DNAJC17: variants seen among roughly 807,000 people sequenced by gnomAD.
DNAJC17 encodes the protein DnaJ heat shock protein family (Hsp40) member C17.
DNAJC17 carries 35 observed loss-of-function variants against 48.1 expected under a neutral mutation model. That is an observed-to-expected ratio of 0.73 (90% confidence interval 0.56 to 0.96). DNAJC17 has a LOEUF of 0.96. Among genes scored for constraint, DNAJC17 ranks in the 50% least tolerant of loss-of-function variants. The pLI is 0.00. For synonymous variants in DNAJC17, 117 were observed against 142.7 expected (o/e 0.82, Z 1.28); for missense variants, 355 against 377.1 (o/e 0.94, Z 0.48).
intron 1 of DNAJC17, among the ~76,000 whole-genome samples, chr15:40,788,652 T>A (rs1186942126): frequency 6.8e-6 from 1 of 146,492 alleles, no homozygotes; most frequent in East Asian, 2.0e-4. Flanking sequence ...GCCGAGATCA[T>A]GCCACTGCAC....
intron 1 of DNAJC17, among the ~76,000 whole-genome samples, chr15:40,796,253 T>C (rs1889937993): frequency 6.6e-6 from 1 of 152,208 alleles, no homozygotes; most frequent in South Asian, 2.1e-4. Context: ...GGAAGTCCTT[T>C]CCTTCCTGGA....
rs751277591 is a variant in DNAJC17, at chr15:40,775,099, T to C, written c.532A>G (p.Lys178Glu). The change falls in exon 8 of 11, where the codon AAG (lysine) becomes GAG (glutamate). Residue 178 changes from lysine (K) to glutamate (E), a missense_variant. Lys to Glu is a moderately conservative substitution (Grantham distance 56). Coordinates refer to ENST00000220496, the MANE Select transcript of DNAJC17 (RefSeq NM_018163.3). Reference protein sequence around the residue: ...QGTPKLKLKWKCKKEDESKGG... With the variant: ...QGTPKLKLKWECKKEDESKGG... The stretch of plus-strand genomic sequence containing the variant: ...TTTGACTCATCCTCCTTCTTGCACT[T>C]CCATTTTAGCTGAAAAGAGAGCCTC... 6.2e-7 allele frequency: 1 copy of C among 1,614,066 alleles called. No individual in the cohort carries two copies. Among genetic ancestry groups the C allele is most frequent in the Non-Finnish European group, 8.5e-7 (1 of 1,180,016 alleles).
chr15:40,807,095 T>C (rs1236505619), intron 1 of DNAJC17: 4 of 718,516 alleles, frequency 5.6e-6, no homozygotes, highest in Non-Finnish European at 8.9e-6. Context: ...TAGCGTTCCT[T>C]GCTGCCTCGC....
intron 1 of DNAJC17, among the ~76,000 whole-genome samples, chr15:40,794,567 G>A (rs1596095931): frequency 6.6e-6 from 1 of 152,212 alleles, no homozygotes; most frequent in South Asian, 2.1e-4. Flanking sequence ...AGCTACTCAG[G>A]AGGCTGAGGT....
intron 1 of DNAJC17, 38 bp downstream of exon 1, chr15:40,807,331 G>C: frequency 6.2e-7 from 1 of 1,614,254 alleles, no homozygotes; most frequent in Non-Finnish European, 8.5e-7. Flanking sequence ...AGGACCGCCA[G>C]ACCTCTCAAG....
Position 40,767,310 on chromosome 15 carries a change from G to A in DNAJC17, c.*630C>T. The A allele has an allele frequency of 1.2e-6, 2 of 1,604,164 alleles. No homozygotes were observed. The highest frequency in any genetic ancestry group is 1.7e-6 in the Non-Finnish European group (2 of 1,175,760). Reference sequence around the variant, plus strand: ...GCTTCCGTGTGCTGAGCATGACGGGGGTGGGCCAGACGCTGGTGTGGTGTC... The same window carrying A: ...GCTTCCGTGTGCTGAGCATGACGGGAGTGGGCCAGACGCTGGTGTGGTGTC... On this transcript the variant is annotated 3_prime_UTR_variant, in exon 11 of 11. Transcript: ENST00000220496.
intron 4 of DNAJC17, 112 bp from the exon 5 acceptor site, chr15:40,776,739 CAGTA>C: frequency 9.9e-7 from 1 of 1,013,354 alleles, no homozygotes; most frequent in Non-Finnish European, 1.5e-6. Context: ...CGAGATCATA[CAGTA>C]ACTCTGCCCC....
intron 1 of DNAJC17, among the ~76,000 whole-genome samples, chr15:40,796,954 A>T (rs565545552): frequency 5.3e-5 from 8 of 151,992 alleles, no homozygotes; most frequent in Non-Finnish European, 7.4e-5. Flanking sequence ...CTTTGTAGAG[A>T]CAGGGTTTTG....
chr15:40,773,865 C>A, intron 9 of DNAJC17, 28 bp from the exon 10 acceptor site: 1 of 1,594,744 alleles, frequency 6.3e-7, no homozygotes, highest in East Asian at 2.2e-5. Flanking sequence ...TAGTCCTGTC[C>A]CATCCGTTGA....
At chr15:40,768,104 G>C in intron 10 of DNAJC17, 42 bp from the exon 11 acceptor site, 2 of 1,504,336 alleles carry the variant, frequency 1.3e-6, no homozygotes, top group Middle Eastern at 1.9e-4. Flanking sequence ...AGGGACAGCA[G>C]GGCACAGCCT....
At position 40,767,116 on chromosome 15, in the gene DNAJC17, C is replaced by T. The variant is rs1001517486; in HGVS notation, c.*824G>A. 6.0e-6 allele frequency: 7 copies of T among 1,170,254 alleles called. No homozygotes were observed. The highest frequency in any genetic ancestry group is 3.0e-5 in the Admixed American group (1 of 33,260). The allele number at this position is 1,170,254 out of a possible 1,614,324, so 72.5% of individuals were successfully genotyped here. A position where few individuals can be genotyped will look rare whatever the true frequency, so the allele number is the denominator to read the frequency against. On this transcript the variant is annotated 3_prime_UTR_variant, in exon 11 of 11. Transcript: ENST00000220496. The stretch of plus-strand genomic sequence containing the variant: ...ACCCCAGCGCCCAGCAAGCAGCCAG[C>T]AAGTGTGAGTCACTACAAGAGTGGC...
chr15:40,792,785 T>G (rs1272217935), intron 1 of DNAJC17, among the ~76,000 whole-genome samples: 1 of 152,122 alleles, frequency 6.6e-6, no homozygotes, highest in Non-Finnish European at 1.5e-5. Flanking sequence ...GGAGCTCTAG[T>G]CTCAGGCTGA....
At chr15:40,772,075 G>C (rs1279353456) in intron 10 of DNAJC17, 1 of 167,072 alleles carries the variant, frequency 6.0e-6, no homozygotes, top group Admixed American at 6.5e-5. Context: ...AGGAGAACTG[G>C]ATCCAGGGAT....
rs1889342011 is a variant in DNAJC17 at position 40,776,878 on chromosome 15, G to A, written c.296-251C>T. 6.3e-6 allele frequency: 3 copies of A among 472,454 alleles called. No homozygotes were observed. The South Asian group carries it at 6.8e-5, about 11-fold the overall frequency. 29.3% of individuals were successfully genotyped at this position (472,454 alleles called of 1,614,324 possible). On this transcript the variant is annotated intron_variant, in intron 4 of 10. Transcript: ENST00000220496. Reference sequence around the variant, plus strand: ...AAAACAGCTCACACTGACCAAGCTGGTTCTCTCTAGTGAACAGGGTGTGGG... The same window carrying A: ...AAAACAGCTCACACTGACCAAGCTGATTCTCTCTAGTGAACAGGGTGTGGG...
At chr15:40,774,545 G>A in intron 8 of DNAJC17, 109 bp from the exon 9 acceptor site, 1 of 1,196,118 alleles carries the variant, frequency 8.4e-7, no homozygotes, top group Non-Finnish European at 1.2e-6. Context: ...ATTTTCAGTT[G>A]GGAGATAACT....
At chr15:40,797,100 T>G (rs1174442649) in intron 1 of DNAJC17, among the ~76,000 whole-genome samples, 1 of 152,112 alleles carries the variant, frequency 6.6e-6, no homozygotes, top group Non-Finnish European at 1.5e-5. Context: ...CCAGGGATCG[T>G]AGCTCATGCC....
At chr15:40,771,090 A>G in intron 10 of DNAJC17, 1 of 1,446,600 alleles carries the variant, frequency 6.9e-7, no homozygotes, top group Non-Finnish European at 9.4e-7. Flanking sequence ...AGGAAAGGAC[A>G]GGGACAGGAC....
At chr15:40,806,039 C>T (rs2141968605) in intron 1 of DNAJC17, among the ~76,000 whole-genome samples, 1 of 152,000 alleles carries the variant, frequency 6.6e-6, no homozygotes, top group East Asian at 1.9e-4. Context: ...ATCCCATGGC[C>T]ATTTCTGATT....
At chr15:40,771,581 C>A (rs1889142176) in intron 10 of DNAJC17, 1 of 173,902 alleles carries the variant, frequency 5.8e-6, no homozygotes, top group Non-Finnish European at 1.4e-5. Context: ...CCTGTCTAAT[C>A]TGGTGGCCAC....
Sources: allele counts gnomAD v4.1 joint callset (sites outside exome capture counted in the v4.1 genomes callset), GRCh38; gene constraint gnomAD v4.1.1; transcripts MANE v1.5; gene names NCBI Gene and HGNC (gene_info 2026-07-23, HGNC 2026-07-21).